RIC8B: variants seen among roughly 807,000 people sequenced by gnomAD.
RIC8B encodes the protein RIC8 guanine nucleotide exchange factor B.
Under a neutral mutation model 57.5 loss-of-function variants are expected in RIC8B, and 16 were observed. The observed-to-expected ratio is 0.28, with a 90% CI of 0.19 to 0.42. The LOEUF is 0.42. Among genes scored for constraint, RIC8B ranks in the 10% least tolerant of loss-of-function variants. The probability of loss-of-function intolerance (pLI) is 1.00; values close to 1 mark genes in which losing one functional copy is unlikely to be tolerated. For synonymous variants in RIC8B, 216 were observed against 250.8 expected (o/e 0.86, Z 1.31); for missense variants, 481 against 677.0 (o/e 0.71, Z 3.21).
rs375470835 is a variant in RIC8B at position 106,815,019 on chromosome 12, G to A, written c.456G>A (p.Lys152=). ...TCTGTAACCTCCTGAGAAAGTGCAAGGACCGGAAATTTATCAATGACATTA... is the reference window on the plus strand; with the variant it reads ...TCTGTAACCTCCTGAGAAAGTGCAAAGACCGGAAATTTATCAATGACATTA... ...AKLCNLLRKC[K]DRKFINDIKC... The change falls in exon 3 of 10, where the codon AAG becomes AAA. Residue 152 remains lysine, a synonymous_variant. Transcript: ENST00000392837. The A allele has an allele frequency of 3.3e-5, 54 of 1,614,110 alleles. No homozygotes were observed. Among genetic ancestry groups the A allele is most frequent in the Non-Finnish European group, 4.0e-5 (47 of 1,180,046 alleles).
intron 9 of RIC8B, 132 bp downstream of exon 9, chr12:106,871,074 A>C: frequency 1.3e-6 from 1 of 772,802 alleles, no homozygotes; most frequent in Non-Finnish European, 1.9e-6. Flanking sequence ...CCCAGGCAGC[A>C]GTAGTTCAGA....
At chr12:106,873,334 C>T (rs1001746854) in intron 9 of RIC8B, among the ~76,000 whole-genome samples, 1 of 152,162 alleles carries the variant, frequency 6.6e-6, no homozygotes, top group African/African-American at 2.4e-5. Flanking sequence ...TTTACATTGT[C>T]TGCCTTTGTG....
intron 9 of RIC8B, among the ~76,000 whole-genome samples, chr12:106,880,642 G>A (rs1263174552): frequency 6.6e-6 from 1 of 152,138 alleles, no homozygotes; most frequent in Admixed American, 6.5e-5. Flanking sequence ...TGAACTGTCA[G>A]AATGTCTGAT....
intron 4 of RIC8B, among the ~76,000 whole-genome samples, chr12:106,841,407 G>A (rs1444040103): frequency 6.6e-6 from 1 of 152,052 alleles, no homozygotes; most frequent in East Asian, 1.9e-4. Flanking sequence ...TTGGGGAAGT[G>A]GAGCACAATT....
intron 2 of RIC8B, among the ~76,000 whole-genome samples, chr12:106,802,560 T>A (rs2044781793): frequency 7.2e-6 from 1 of 139,264 alleles, no homozygotes; most frequent in Admixed American, 7.4e-5. Flanking sequence ...TTTTTTTTTT[T>A]TAAGTAGAAC....
At chr12:106,801,495 G>A (rs1008218007) in intron 2 of RIC8B, among the ~76,000 whole-genome samples, 1 of 152,152 alleles carries the variant, frequency 6.6e-6, no homozygotes, top group Admixed American at 6.5e-5. Context: ...TGCAGGAAAG[G>A]AAGTTAGAGA....
intron 8 of RIC8B, among the ~76,000 whole-genome samples, chr12:106,870,552 T>G: frequency 6.6e-6 from 1 of 152,066 alleles, no homozygotes; most frequent in East Asian, 1.9e-4. Flanking sequence ...AAATTTTGTA[T>G]TTTTAAAAAG....
chr12:106,782,055 ATT>A (rs749653960), intron 1 of RIC8B, among the ~76,000 whole-genome samples: 3 of 151,962 alleles, frequency 2.0e-5, no homozygotes, highest in African/African-American at 7.3e-5. Context: ...TTTAAAAAAA[ATT>A]TTTATTATGA....
intron 9 of RIC8B, among the ~76,000 whole-genome samples, chr12:106,883,866 T>G (rs1039167532): frequency 4.6e-5 from 7 of 152,200 alleles, no homozygotes; most frequent in African/African-American, 1.2e-4. Flanking sequence ...CATTTTTGAC[T>G]ATTGCATCCC....
At chr12:106,802,628 T>C (rs1278175841) in intron 2 of RIC8B, among the ~76,000 whole-genome samples, 1 of 150,750 alleles carries the variant, frequency 6.6e-6, no homozygotes, top group Non-Finnish European at 1.5e-5. Flanking sequence ...TTCTTAGAAA[T>C]TCCCTTCACT....
chr12:106,835,622 A>G (rs777851997), intron 4 of RIC8B, among the ~76,000 whole-genome samples: 1 of 152,206 alleles, frequency 6.6e-6, no homozygotes, highest in Non-Finnish European at 1.5e-5. Flanking sequence ...TAATTATGTT[A>G]TGCTGCCTTC....
At chr12:106,876,657 C>G (rs1442182418) in intron 9 of RIC8B, among the ~76,000 whole-genome samples, 1 of 152,096 alleles carries the variant, frequency 6.6e-6, no homozygotes, top group Non-Finnish European at 1.5e-5. Context: ...TTTGTATTGC[C>G]TATCTGTAGT....
At chr12:106,797,326 AAACT>A (rs2044528543) in intron 2 of RIC8B, among the ~76,000 whole-genome samples, 1 of 152,262 alleles carries the variant, frequency 6.6e-6, no homozygotes, top group Admixed American at 6.5e-5. Context: ...ACAAAGGAAT[AAACT>A]AACTGATGCT....
intron 7 of RIC8B, among the ~76,000 whole-genome samples, chr12:106,853,453 C>CTTTTTTTTTTTTTTTGTTTTTTTTTTT (rs1949566267): frequency 2.6e-5 from 1 of 38,022 alleles, no homozygotes; most frequent in Non-Finnish European, 4.3e-5. Context: ...GCTTTATAGT[C>CTTTTTTTTTTTTTTTGTTTTTTTTTTT]TTTTTTTTTT....
At chr12:106,804,836 C>T (rs930227305) in intron 2 of RIC8B, among the ~76,000 whole-genome samples, 3 of 152,070 alleles carry the variant, frequency 2.0e-5, no homozygotes, top group African/African-American at 7.2e-5. Flanking sequence ...ATTAAGTGTT[C>T]TGGATTTAGA....
intron 1 of RIC8B, among the ~76,000 whole-genome samples, chr12:106,779,739 A>C (rs2136145664): frequency 6.6e-6 from 1 of 151,318 alleles, no homozygotes; most frequent in South Asian, 2.1e-4. Flanking sequence ...CCACAGATAC[A>C]GAATCCTTTG....
chr12:106,811,207 A>G (rs1307042890), intron 2 of RIC8B, among the ~76,000 whole-genome samples: 5 of 152,242 alleles, frequency 3.3e-5, no homozygotes, highest in Non-Finnish European at 7.3e-5. Flanking sequence ...GGAGAAGTCA[A>G]GGTAATGTGC....
At chr12:106,847,950 G>A (rs914313109) in intron 6 of RIC8B, among the ~76,000 whole-genome samples, 17 of 152,156 alleles carry the variant, frequency 1.1e-4, no homozygotes, top group African/African-American at 3.9e-4. Flanking sequence ...CTGCCCCAGT[G>A]GAACTTGGTC....
rs1950374177 is a variant in RIC8B, at chr12:106,870,932, A to G, written c.1561A>G (p.Lys521Glu). The G allele has an allele frequency of 2.6e-6, 4 of 1,549,396 alleles. No individual in the cohort carries two copies. The highest frequency in any genetic ancestry group is 3.5e-6 in the Non-Finnish European group (4 of 1,145,684). Residue 521 changes from lysine to glutamate, a missense_variant, in exon 9 of 10, where the codon AAA becomes GAA. Around this residue, in one of 3 missense-constraint regions of RIC8B, gnomAD observed 43 missense variants for 99.8 expected, o/e 0.43. Coordinates refer to ENST00000392837, the MANE Select transcript of RIC8B (RefSeq NM_001330145.2). ...EAMKLVNMLD[K>E]LSREELLKPM... ...CATGAAACTTGTCAACATGCTTGAT[A>G]AACTTTCCAGGTATTGTATTCCCAT...
Sources: allele counts gnomAD v4.1 joint callset (sites outside exome capture counted in the v4.1 genomes callset), GRCh38; gene constraint gnomAD v4.1.1; regional missense constraint gnomAD v4.1.1; transcripts MANE v1.5; gene names NCBI Gene and HGNC (gene_info 2026-07-23, HGNC 2026-07-21).